The following DRAM2 variants were observed in gnomAD, a reference collection of about 807,000 sequenced individuals.
DRAM2 encodes DNA damage regulated autophagy modulator 2, also known as DNA damage-regulated autophagy modulator protein 2.
In DRAM2, 26 loss-of-function variants were observed where a neutral mutation model predicts 33.5. That is an observed-to-expected ratio of 0.78 (90% CI 0.57 to 1.08). The LOEUF (loss-of-function observed/expected upper bound fraction) is 1.08, where lower values mean the gene tolerates loss of function less well. DRAM2 is among the 50% of genes least tolerant of loss of function. The pLI is 0.00. For missense variants in DRAM2, 311 were observed against 318.1 expected (o/e 0.98, Z 0.17); for synonymous variants, 98 against 109.5 (o/e 0.89, Z 0.66).
At position 111,118,211 on chromosome 1, in the gene DRAM2, T is replaced by G; in HGVS notation, c.750A>C (p.Ala250=). 6.2e-7 allele frequency: 1 copy of G among 1,613,190 alleles called. No homozygotes were observed. Among genetic ancestry groups the G allele is most frequent in the East Asian group, 2.2e-5 (1 of 44,832 alleles). The change falls in exon 10 of 10, where the codon GCA becomes GCC. Residue 250 remains alanine (A), a synonymous_variant. Coordinates refer to ENST00000484310, the MANE Select transcript of DRAM2 (RefSeq NM_001349884.2). ...TTCGTTCATTGTTAATAGGGCAAGG[T>G]GCAGTGTCATAGAGGGTTAATCCAT... ...NLHGLTLYDT[A]PCPINNERTR...
chr1:111,131,131 C>T (rs749202631), intron 4 of DRAM2, among the ~76,000 whole-genome samples: 16 of 152,052 alleles, frequency 1.1e-4, no homozygotes, highest in Non-Finnish European at 2.1e-4. Flanking sequence ...TTTTAAGCGG[C>T]GAATAATTCC....
At chr1:111,137,290 A>G (rs1296524383) in intron 3 of DRAM2, among the ~76,000 whole-genome samples, 1 of 151,708 alleles carries the variant, frequency 6.6e-6, no homozygotes, top group East Asian at 1.9e-4. Flanking sequence ...ATGATTGTGG[A>G]AAAGTTCTAT....
At chr1:111,125,024 AAAAAC>A in intron 5 of DRAM2, 143 bp from the exon 6 acceptor site, 2 of 824,616 alleles carry the variant, frequency 2.4e-6, no homozygotes, top group Non-Finnish European at 3.6e-6. Context: ...AAAGAAAAAA[AAAAAC>A]AAAATAGCTG....
At chr1:111,137,326 C>G (rs67541161) in intron 3 of DRAM2, among the ~76,000 whole-genome samples, 197 bp downstream of exon 3, 1 of 150,224 alleles carries the variant, frequency 6.7e-6, no homozygotes, top group African/African-American at 2.5e-5. Flanking sequence ...AGTCTTTGTA[C>G]AGCTTATACT....
chr1:111,120,656 A>G lies in DRAM2; in HGVS notation c.377T>C (p.Val126Ala). ...TAATGAGCCCATACCAAAGGTAAGC[A>G]CAGCTCCACTTACATGTGCAGCAAA... is the stretch of plus-strand genomic sequence containing the variant. The part of the protein sequence containing the change: ...TLFAAHVSGA[V>A]LTFGMGSLYM... The change falls in exon 7 of 10, where the codon GTG (valine) becomes GCG (alanine). Residue 126 changes from valine to alanine, a missense_variant. By Grantham distance (64) the Val-to-Ala change is moderately conservative (BLOSUM62 0). Coordinates refer to ENST00000484310, the MANE Select transcript of DRAM2 (RefSeq NM_001349884.2). 3.1e-6 allele frequency: 5 copies of G among 1,597,228 alleles called. No homozygotes were observed. Among genetic ancestry groups the G allele is most frequent in the Non-Finnish European group, 4.3e-6 (5 of 1,171,498 alleles).
At chr1:111,130,751 C>A (rs1344048490) in intron 4 of DRAM2, among the ~76,000 whole-genome samples, 1 of 150,226 alleles carries the variant, frequency 6.7e-6, no homozygotes, top group African/African-American at 2.5e-5. Flanking sequence ...AATTCCAGCA[C>A]TTTGGGAGGC....
chr1:111,126,098 T>C, intron 5 of DRAM2, 129 bp downstream of exon 5: 1 of 625,728 alleles, frequency 1.6e-6, no homozygotes, highest in East Asian at 2.6e-5. Flanking sequence ...ATAATTATGA[T>C]CAATTATTTA....
Position 111,118,035 on chromosome 1 carries a change from T to G in DRAM2, c.*125A>C, listed in dbSNP as rs1034126603. 2.5e-6 allele frequency: 2 copies of G among 785,656 alleles called. No individual in the cohort carries two copies. The highest frequency in any genetic ancestry group is 3.4e-5 in the African/African-American group (2 of 58,276). The allele number at this position is 785,656 out of a possible 1,614,324, so 48.7% of individuals were successfully genotyped here. ...CTTTCATGTTTCCTGATTATCAGCA[T>G]TCATCAGTGTTACTGTCAGCCTTGA... On this transcript the variant is annotated 3_prime_UTR_variant, in exon 10 of 10. Coordinates refer to ENST00000484310, the MANE Select transcript of DRAM2 (RefSeq NM_001349884.2).
At chr1:111,138,801 G>A (rs375237398) in intron 2 of DRAM2, among the ~76,000 whole-genome samples, 15 of 152,228 alleles carry the variant, frequency 9.9e-5, no homozygotes, top group African/African-American at 3.1e-4. Context: ...AAAAGAAAAA[G>A]TCTTGCATCT....
chr1:111,134,526 A>G (rs982226272), intron 3 of DRAM2, among the ~76,000 whole-genome samples: 2 of 152,422 alleles, frequency 1.3e-5, no homozygotes, highest in East Asian at 1.9e-4. Context: ...CATCCCATCA[A>G]TATCTTTTTT....
chr1:111,118,709 G>C (rs1649394364), intron 9 of DRAM2, 96 bp downstream of exon 9: 1 of 797,734 alleles, frequency 1.3e-6, no homozygotes, highest in East Asian at 3.0e-5. Flanking sequence ...TTTTCAAAAA[G>C]GCGGGAGAGT....
intron 3 of DRAM2, among the ~76,000 whole-genome samples, chr1:111,132,276 C>T (rs1652257323): frequency 6.6e-6 from 1 of 152,218 alleles, no homozygotes; most frequent in Admixed American, 6.5e-5. Flanking sequence ...ATGGCATACC[C>T]AGAGAGGGCA....
At chr1:111,126,014 C>T (rs894175843) in intron 5 of DRAM2, among the ~76,000 whole-genome samples, 2 of 151,832 alleles carry the variant, frequency 1.3e-5, no homozygotes, top group African/African-American at 4.8e-5. Flanking sequence ...TAGAATAATC[C>T]GACACATATT....
intron 3 of DRAM2, among the ~76,000 whole-genome samples, chr1:111,132,641 G>GT (rs1231440521): frequency 6.6e-6 from 1 of 151,740 alleles, no homozygotes; most frequent in Non-Finnish European, 1.5e-5. Flanking sequence ...TGATTATTGA[G>GT]TGAGAGAACA....
intron 7 of DRAM2, 85 bp from the exon 8 acceptor site, chr1:111,120,044 C>T (rs1408928548): frequency 8.5e-7 from 1 of 1,174,960 alleles, no homozygotes; most frequent in Non-Finnish European, 1.2e-6. Context: ...ATTACTCACA[C>T]ATTTATTGCT....
intron 3 of DRAM2, among the ~76,000 whole-genome samples, chr1:111,135,230 A>G (rs1002931692): frequency 6.6e-6 from 1 of 152,144 alleles, no homozygotes; most frequent in African/African-American, 2.4e-5. Flanking sequence ...CACCCCCTGA[A>G]ACACAGGTAC....
In DRAM2 at chr1:111,118,041, A is replaced by G. The variant is rs958718070; in HGVS notation, c.*119T>C. ...TGTTTCCTGATTATCAGCATTCATC[A>G]GTGTTACTGTCAGCCTTGATTAAGT... On this transcript the variant is annotated 3_prime_UTR_variant, in exon 10 of 10. Coordinates refer to ENST00000484310, the MANE Select transcript of DRAM2 (RefSeq NM_001349884.2). 8.6e-6 allele frequency: 7 copies of G among 818,008 alleles called. No individual in the cohort carries two copies. The highest frequency in any genetic ancestry group is 1.4e-5 in the Non-Finnish European group (7 of 484,974). 50.7% of individuals were successfully genotyped at this position (818,008 alleles called of 1,614,324 possible).
intron 3 of DRAM2, among the ~76,000 whole-genome samples, chr1:111,132,198 C>T (rs1481993553): frequency 6.6e-6 from 1 of 152,084 alleles, no homozygotes; most frequent in Non-Finnish European, 1.5e-5. Flanking sequence ...ATGAGGCACC[C>T]ATAAAAACCC....
Position 111,126,291 on chromosome 1 carries a change from G to A in DRAM2, c.135C>T (p.Asp45=), listed in dbSNP as rs1183869089. The A allele has an allele frequency of 6.2e-7, 1 of 1,602,732 alleles. No individual in the cohort carries two copies. Among genetic ancestry groups the A allele is most frequent in the Non-Finnish European group, 8.5e-7 (1 of 1,171,960 alleles). The stretch of plus-strand genomic sequence containing the variant: ...ATTTTTCTGGAGCTACTGTACCAGT[G>A]TCACTGAAAGAAAAAAAGGAAGGTA... ...HIDPALPYIS[D]TGTVAPEKCL... is the part of the protein sequence containing the mutation. The change falls in exon 5 of 10, where the codon GAC becomes GAT. Residue 45 remains aspartate (D), a synonymous_variant. Transcript: ENST00000484310.
Sources: gnomAD v4.1 joint callset for allele counts (sites outside exome capture counted in the v4.1 genomes callset) on GRCh38, gnomAD v4.1.1 for gene constraint, MANE v1.5 for transcripts, NCBI Gene and HGNC (gene_info 2026-07-23, HGNC 2026-07-21) for gene names.